PAPOLG: variants seen among roughly 807,000 people sequenced by gnomAD.
PAPOLG encodes the protein PAP-gamma.
In PAPOLG, 40 loss-of-function variants were observed where a neutral mutation model predicts 99.0. The observed-to-expected ratio is 0.40, with a 90% CI of 0.31 to 0.53. The LOEUF is 0.53. Ranked by LOEUF, PAPOLG falls within the 20% of genes least tolerant of loss-of-function variation. The pLI, the probability that PAPOLG is intolerant of heterozygous loss-of-function variation, is 0.41. For synonymous variants in PAPOLG, 310 were observed against 299.3 expected (o/e 1.04, Z -0.37); for missense variants, 675 against 884.1 (o/e 0.76, Z 3.00).
At chr2:60,777,696 T>A (rs1380905303) in intron 8 of PAPOLG, among the ~76,000 whole-genome samples, 1 of 152,158 alleles carries the variant, frequency 6.6e-6, no homozygotes, top group Admixed American at 6.5e-5. Context: ...TACGACTCTT[T>A]CTTTTACTTG....
chr2:60,772,789 AG>A (rs1398980343), intron 7 of PAPOLG, among the ~76,000 whole-genome samples: 2 of 152,220 alleles, frequency 1.3e-5, no homozygotes, highest in Non-Finnish European at 2.9e-5. Context: ...TGGAAAAGGG[AG>A]GAGTGTTTTA....
rs1257975208 is a variant in PAPOLG, at chr2:60,794,725, T to C, written c.2005T>C (p.Ser669Pro). ...TATATTTTAGTTTATTCGACTTGAA[T>C]CAACATTTAAGGACCCCCGCACTGC... is the stretch of plus-strand genomic sequence containing the variant. ...KDVEKFIRLE[S>P]TFKDPRTAEE... Residue 669 changes from serine to proline, a missense_variant, in exon 20 of 22, where the codon TCA becomes CCA. Ser to Pro is a moderately conservative substitution (Grantham distance 74). Around this residue, in one of 3 missense-constraint regions of PAPOLG, gnomAD observed 413 missense variants for 460.5 expected, o/e 0.90. Transcript: ENST00000238714. 3 of 1,611,448 alleles carry C rather than the reference T, an allele frequency of 1.9e-6. No homozygotes were observed. The African/African-American group carries it at 4.0e-5, about 22-fold the overall frequency.
chr2:60,758,278 A>G (rs1670410409), intron 1 of PAPOLG, among the ~76,000 whole-genome samples: 1 of 151,458 alleles, frequency 6.6e-6, no homozygotes, highest in Non-Finnish European at 1.5e-5. Context: ...TGTTTGTTCT[A>G]CAACAAAATA....
chr2:60,787,392 A>C lies in PAPOLG; in HGVS notation c.1287-119A>C, dbSNP rs1671395955. ...TCACTTTTAAGAATCTGGCCAGACCACTGAAATCTGTATTTGTGAGATAGA... is the reference window on the plus strand; with the variant it reads ...TCACTTTTAAGAATCTGGCCAGACCCCTGAAATCTGTATTTGTGAGATAGA... On this transcript the variant is annotated intron_variant, in intron 14 of 21. Coordinates refer to ENST00000238714, the MANE Select transcript of PAPOLG (RefSeq NM_022894.4). 5 of 1,282,786 alleles carry C rather than the reference A, an allele frequency of 3.9e-6. No individual in the cohort carries two copies. In the East Asian group the frequency reaches 1.3e-4, roughly 33 times the overall value. The allele number at this position is 1,282,786 out of a possible 1,614,324, so 79.5% of individuals were successfully genotyped here.
At chr2:60,788,876 C>T (rs1331137662) in intron 15 of PAPOLG, among the ~76,000 whole-genome samples, 1 of 151,934 alleles carries the variant, frequency 6.6e-6, no homozygotes, top group Non-Finnish European at 1.5e-5. Flanking sequence ...GCCTTGTGCT[C>T]CCAGCTATCT....
At chr2:60,761,950 A>T in intron 3 of PAPOLG, 143 bp downstream of exon 3, 1 of 661,858 alleles carries the variant, frequency 1.5e-6, no homozygotes, top group South Asian at 2.0e-5. Flanking sequence ...TGGTCTAGAC[A>T]GTTGAATTTC....
chr2:60,791,822 T>G lies in PAPOLG; in HGVS notation c.1458T>G (p.His486Gln), dbSNP rs757956370. Residue 486 changes from histidine to glutamine, a missense_variant, in exon 16 of 22, where the codon CAT (histidine) becomes CAG (glutamine). Physicochemically the swap from His to Gln is conservative, Grantham distance 24 (BLOSUM62 0). Transcript: ENST00000238714. The part of the protein sequence containing the change: ...LKEGMKIEAT[H>Q]VKKKQLHHYL... The stretch of plus-strand genomic sequence containing the variant: ...AGGGAATGAAAATTGAAGCAACTCA[T>G]GTAAAGAAAAAACAACTTCACCACT... 6.2e-7 allele frequency: 1 copy of G among 1,613,840 alleles called. No individual in the cohort carries two copies. The highest frequency in any genetic ancestry group is 8.5e-7 in the Non-Finnish European group (1 of 1,179,930).
intron 3 of PAPOLG, among the ~76,000 whole-genome samples, chr2:60,763,477 A>G (rs1670582265): frequency 6.6e-6 from 1 of 151,892 alleles, no homozygotes; most frequent in South Asian, 2.1e-4. Context: ...GCAGATACGG[A>G]AGGCTAACTA....
rs752796503 is a variant in PAPOLG at position 60,771,512 on chromosome 2, T to A, written c.493-7T>A. 1 of 1,572,766 alleles carries A rather than the reference T, an allele frequency of 6.4e-7. No individual in the cohort carries two copies. The highest frequency in any genetic ancestry group is 8.6e-7 in the Non-Finnish European group (1 of 1,167,592). ...ATTTTTTTCTCTTTTTTCACATCTT[T>A]CCAAAGATTGATCTAGTCTTTGCAA... On this transcript the variant is annotated splice_region_variant and splice_polypyrimidine_tract_variant and intron_variant, in intron 6 of 21. Coordinates refer to ENST00000238714, the MANE Select transcript of PAPOLG (RefSeq NM_022894.4).
intron 17 of PAPOLG, among the ~76,000 whole-genome samples, chr2:60,792,675 G>A (rs1671576291): frequency 6.6e-6 from 1 of 152,124 alleles, no homozygotes; most frequent in Non-Finnish European, 1.5e-5. Context: ...CAGGCGAACT[G>A]CTGGAGCCCA....
intron 8 of PAPOLG, among the ~76,000 whole-genome samples, chr2:60,777,661 A>G (rs547347613): frequency 6.6e-6 from 1 of 152,192 alleles, no homozygotes; most frequent in African/African-American, 2.4e-5. Flanking sequence ...AATCTTTTCT[A>G]GTTTTTGATT....
chr2:60,787,997 G>A (rs978905832), intron 15 of PAPOLG, among the ~76,000 whole-genome samples: 3 of 151,370 alleles, frequency 2.0e-5, no homozygotes, highest in Admixed American at 6.6e-5. Flanking sequence ...AGCCGAGATC[G>A]CCCCACTGCA....
intron 14 of PAPOLG, 160 bp from the exon 15 acceptor site, chr2:60,787,351 T>G (rs1469137417): frequency 1.3e-5 from 6 of 473,378 alleles, no homozygotes; most frequent in Non-Finnish European, 8.3e-6. Flanking sequence ...AGGGGATAAC[T>G]TACCAGTTCT....
At position 60,791,825 on chromosome 2, in the gene PAPOLG, A is replaced by G. The variant is rs949138786; in HGVS notation, c.1461A>G (p.Val487=). The change falls in exon 16 of 22, where the codon GTA becomes GTG. Residue 487 remains valine, a synonymous_variant. Transcript: ENST00000238714. The part of the protein sequence containing the change: ...KEGMKIEATH[V]KKKQLHHYLP... ...GAATGAAAATTGAAGCAACTCATGT[A>G]AAGAAAAAACAACTTCACCACTACC... is the stretch of plus-strand genomic sequence containing the variant. 2.5e-6 allele frequency: 4 copies of G among 1,613,772 alleles called. No individual in the cohort carries two copies. The highest frequency in any genetic ancestry group is 1.3e-5 in the African/African-American group (1 of 74,888).
chr2:60,770,997 G>A (rs1435347765), intron 6 of PAPOLG, among the ~76,000 whole-genome samples: 1 of 151,998 alleles, frequency 6.6e-6, no homozygotes, highest in Non-Finnish European at 1.5e-5. Context: ...TTTATTTACA[G>A]CCTCCTGACC....
chr2:60,786,738 C>G (rs1671374197), intron 13 of PAPOLG, among the ~76,000 whole-genome samples: 1 of 152,142 alleles, frequency 6.6e-6, no homozygotes, highest in Admixed American at 6.5e-5. Context: ...CCGTGTTGGC[C>G]AAACTGGTCT....
chr2:60,766,479 A>C (rs4672402), intron 3 of PAPOLG, among the ~76,000 whole-genome samples: 141,985 of 152,184 alleles, frequency 0.93, 66,370 homozygotes, highest in East Asian at 1. Context: ...GCCTGGGCAA[A>C]AAAGCAAGAC....
In PAPOLG at chr2:60,792,287, A is replaced by G; in HGVS notation, c.1677A>G (p.Glu559=). ...KSDSPSVGET[E]RNSAEPAAVI... ...ATAGCCCTTCTGTAGGAGAAACAGA[A>G]AGGTCTGTCTTTATTTCAAATGTGT... The change falls in exon 17 of 22, where the codon GAA becomes GAG. Residue 559 remains glutamate (E), a splice_region_variant and synonymous_variant. Coordinates refer to ENST00000238714, the MANE Select transcript of PAPOLG (RefSeq NM_022894.4). 6.3e-7 allele frequency: 1 copy of G among 1,597,818 alleles called. No homozygotes were observed.
rs1375799165 is a variant in PAPOLG at position 60,791,779 on chromosome 2, A to G, written c.1415A>G (p.Asn472Ser). 11 of 1,612,886 alleles carry G rather than the reference A, an allele frequency of 6.8e-6. No homozygotes were observed. The highest frequency in any genetic ancestry group is 1.1e-5 in the South Asian group (1 of 90,980). Residue 472 changes from asparagine (N) to serine (S), a missense_variant, in exon 16 of 22, where the codon AAT becomes AGT. Physicochemically the swap from Asn to Ser is conservative, Grantham distance 46. This residue lies in a region of PAPOLG where 413 missense variants were observed against 460.5 expected (regional missense o/e 0.90). Coordinates refer to ENST00000238714, the MANE Select transcript of PAPOLG (RefSeq NM_022894.4). Reference sequence around the variant, plus strand: ...GTTACAGTGTACAGACAGGCAAACAATATAAATATGCTAAAGGAGGGAATG... The same window carrying G: ...GTTACAGTGTACAGACAGGCAAACAGTATAAATATGCTAAAGGAGGGAATG... ...FTDTVYRQAN[N>S]INMLKEGMKI...
Sources: gnomAD v4.1 joint callset for allele counts (sites outside exome capture counted in the v4.1 genomes callset) on GRCh38, gnomAD v4.1.1 for gene constraint, gnomAD v4.1.1 regional missense constraint, MANE v1.5 for transcripts, NCBI Gene and HGNC (gene_info 2026-07-23, HGNC 2026-07-21) for gene names.